The following SHANK2 variants were observed in gnomAD, a reference collection of about 807,000 sequenced individuals.
SHANK2 encodes SH3 and multiple ankyrin repeat domains 2, also known as SH3 and multiple ankyrin repeat domains protein 2.
Under a neutral mutation model 133.7 loss-of-function variants are expected in SHANK2, and 43 were observed. The observed-to-expected ratio is 0.32, with a 90% CI of 0.25 to 0.41. The LOEUF is 0.41. Ranked by LOEUF, SHANK2 falls within the 10% of genes least tolerant of loss-of-function variation. The pLI is 1.00. For missense variants in SHANK2, 1,994 were observed against 2,235.8 expected, an observed-to-expected ratio of 0.89 and a Z score of 2.18; for synonymous variants, 1,017 against 952.8, an observed-to-expected ratio of 1.07 and a Z score of -1.24.
In SHANK2 at chr11:70,712,419, A is replaced by T. The variant is rs536459801; in HGVS notation, c.1778-13656T>A. On this transcript the variant is annotated intron_variant, in intron 14 of 25. Coordinates refer to ENST00000601538, the MANE Select transcript of SHANK2 (RefSeq NM_012309.5). ...ATCTCTGGGGGCCGCTATTGTGCCCACCATAACCACAAAGAGACCATCCCT... is the reference window on the plus strand; with the variant it reads ...ATCTCTGGGGGCCGCTATTGTGCCCTCCATAACCACAAAGAGACCATCCCT... Among the ~76,000 whole-genome samples, 48 of 152,224 alleles carry T rather than the reference A, an allele frequency of 3.2e-4. No homozygotes were observed. The South Asian group carries it at 9.3e-3, about 30-fold the overall frequency.
At chr11:70,873,522 G>A (rs1313607263) in intron 11 of SHANK2, among the ~76,000 whole-genome samples, 1 of 152,198 alleles carries the variant, frequency 6.6e-6, no homozygotes, top group Non-Finnish European at 1.5e-5. Context: ...TCTAGCAGTG[G>A]TCCCATGAAG....
intron 25 of SHANK2, among the ~76,000 whole-genome samples, chr11:70,478,716 G>C (rs1199342203): frequency 1.3e-5 from 2 of 152,200 alleles, no homozygotes; most frequent in Non-Finnish European, 2.9e-5. Flanking sequence ...TGCCATGAGG[G>C]GGTCCTGGTC....
At chr11:71,097,223 T>G (rs1403260125) in intron 6 of SHANK2, among the ~76,000 whole-genome samples, 1 of 151,940 alleles carries the variant, frequency 6.6e-6, no homozygotes, top group Non-Finnish European at 1.5e-5. Flanking sequence ...CTTCCCGCCC[T>G]GGCTTAGCCA....
At chr11:70,923,123 T>C (rs1026831521) in intron 10 of SHANK2, among the ~76,000 whole-genome samples, 2 of 152,170 alleles carry the variant, frequency 1.3e-5, no homozygotes, top group African/African-American at 4.8e-5. Context: ...ACCCATCAAC[T>C]GTAAGGAAGA....
chr11:70,802,544 T>G (rs1948069019), intron 13 of SHANK2, among the ~76,000 whole-genome samples: 1 of 152,224 alleles, frequency 6.6e-6, no homozygotes. Context: ...TGCTGGTTTC[T>G]AATGTACCTC....
intron 17 of SHANK2, among the ~76,000 whole-genome samples, chr11:70,575,077 C>A (rs373794351): frequency 1.3e-5 from 2 of 152,124 alleles, no homozygotes; most frequent in Non-Finnish European, 2.9e-5. Flanking sequence ...TGATCCTCTG[C>A]GGTGCATTCA....
chr11:70,573,880 G>A lies in SHANK2; in HGVS notation c.2062-70949C>T, dbSNP rs572910199. 7.2e-5 allele frequency among the ~76,000 whole-genome samples: 11 copies of A among 152,324 alleles called. No homozygotes were observed. The East Asian group carries it at 9.6e-4, about 13-fold the overall frequency. On this transcript the variant is annotated intron_variant, in intron 17 of 25. Coordinates refer to ENST00000601538, the MANE Select transcript of SHANK2 (RefSeq NM_012309.5). The stretch of plus-strand genomic sequence containing the variant: ...TACCATCCTGGTGACAGCGGAACCC[G>A]CTGGGGGCCCTGAAAGGCCTGGGCT...
chr11:70,845,613 G>C (rs2135447726), intron 11 of SHANK2, among the ~76,000 whole-genome samples: 1 of 152,212 alleles, frequency 6.6e-6, no homozygotes, highest in South Asian at 2.1e-4. Context: ...AGAGACCAGA[G>C]GCAGGAATGG....
At chr11:71,087,674 G>T (rs1396116558) in intron 8 of SHANK2, among the ~76,000 whole-genome samples, 1 of 152,146 alleles carries the variant, frequency 6.6e-6, no homozygotes, top group African/African-American at 2.4e-5. Context: ...TATTGTCCAG[G>T]CTGAAGTGCA....
intron 17 of SHANK2, among the ~76,000 whole-genome samples, chr11:70,505,091 G>GAGT (rs1380441411): frequency 4.6e-5 from 7 of 152,338 alleles, no homozygotes; most frequent in African/African-American, 1.7e-4. Context: ...TCAGGTGGCT[G>GAGT]AGTACCACCT....
chr11:70,727,868 C>T (rs1946208208), intron 14 of SHANK2, among the ~76,000 whole-genome samples: 1 of 152,188 alleles, frequency 6.6e-6, no homozygotes, highest in African/African-American at 2.4e-5. Flanking sequence ...TGTGCACAAA[C>T]ATTTACATCA....
At chr11:70,684,250 C>T (rs563197462) in intron 15 of SHANK2, among the ~76,000 whole-genome samples, 1 of 152,252 alleles carries the variant, frequency 6.6e-6, no homozygotes, top group East Asian at 1.9e-4. Flanking sequence ...GCTCCCAGAG[C>T]CTGAAACCAT....
rs529667972 is a variant in SHANK2, at chr11:71,136,925, C to T, written c.207+10195G>A. ...TTGCCCAGGCTACAGTGCAGTGGCG[C>T]GATCTCCACTCACTGCAACCTCCAC... is the stretch of plus-strand genomic sequence containing the variant. On this transcript the variant is annotated intron_variant, in intron 3 of 25. Coordinates refer to ENST00000601538, the MANE Select transcript of SHANK2 (RefSeq NM_012309.5). 1.1e-3 allele frequency among the ~76,000 whole-genome samples: 165 copies of T among 152,070 alleles called. 1 individual carries two copies. Among genetic ancestry groups the T allele is most frequent in the Non-Finnish European group, 1.9e-3 (130 of 67,940 alleles).
At chr11:70,943,769 ATG>A (rs1950679522) in intron 10 of SHANK2, among the ~76,000 whole-genome samples, 1 of 152,210 alleles carries the variant, frequency 6.6e-6, no homozygotes, top group South Asian at 2.1e-4. Flanking sequence ...TCCTGTCTGG[ATG>A]GATGCTTTGT....
At chr11:71,163,093 A>AACATATATATATATATATAT in intron 2 of SHANK2, among the ~76,000 whole-genome samples, 1 of 84,678 alleles carries the variant, frequency 1.2e-5, no homozygotes, top group African/African-American at 4.6e-5. Context: ...AAAAAAAAAA[A>AACATATATATATATATATAT]ATACATATAT....
rs530698410 is a variant in SHANK2 at position 70,535,375 on chromosome 11, A to G, written c.2062-32444T>C. Among the ~76,000 whole-genome samples, 13 of 151,914 alleles carry G rather than the reference A, an allele frequency of 8.6e-5. No homozygotes were observed. Among genetic ancestry groups the G allele is most frequent in the Admixed American group, 4.6e-4 (7 of 15,256 alleles). The stretch of plus-strand genomic sequence containing the variant: ...CATTATCTACCATCATCCATCTGCC[A>G]TCATCCATCAGTCTAACCAGTCCAT... On this transcript the variant is annotated intron_variant, in intron 17 of 25. Transcript: ENST00000601538. The surrounding 1 kb of genome is among the most constrained non-coding windows in gnomAD (Gnocchi z 4.3).
intron 17 of SHANK2, among the ~76,000 whole-genome samples, chr11:70,506,349 C>T (rs2059137297): frequency 6.6e-6 from 1 of 152,202 alleles, no homozygotes; most frequent in African/African-American, 2.4e-5. Context: ...TCAGGGCTCC[C>T]CAGTTCCTGA....
intron 21 of SHANK2, chr11:70,497,087 C>T (rs530885315): frequency 7.3e-4 from 329 of 453,136 alleles, no homozygotes; most frequent in African/African-American, 6.1e-3. Context: ...GGCTAGCATT[C>T]GTTTTTAAGT....
chr11:71,195,568 A>G (rs781869695), intron 2 of SHANK2, among the ~76,000 whole-genome samples: 1 of 152,208 alleles, frequency 6.6e-6, no homozygotes, highest in East Asian at 1.9e-4. Flanking sequence ...TGCAATTAAT[A>G]AGGATTATTT....
Sources: allele counts gnomAD v4.1 joint callset (sites outside exome capture counted in the v4.1 genomes callset), GRCh38; gene constraint gnomAD v4.1.1; non-coding constraint Gnocchi (gnomAD v3.1); transcripts MANE v1.5; gene names NCBI Gene and HGNC (gene_info 2026-07-23, HGNC 2026-07-21).